The following RBL2 variants were observed in gnomAD, a reference collection of about 807,000 sequenced individuals.
The protein encoded by RBL2 is RB transcriptional corepressor like 2.
RBL2 carries 56 observed loss-of-function variants against 126.0 expected under a neutral mutation model. The observed-to-expected ratio is 0.44, with a 90% CI of 0.36 to 0.56. The LOEUF is 0.56. Ranked by LOEUF, RBL2 falls within the 20% of genes least tolerant of loss-of-function variation. RBL2 has a pLI of 0.00. For missense variants in RBL2, 1,229 were observed against 1,398.2 expected, an observed-to-expected ratio of 0.88 and a Z score of 1.93; for synonymous variants, 454 against 478.5, an observed-to-expected ratio of 0.95 and a Z score of 0.67.
intron 8 of RBL2, among the ~76,000 whole-genome samples, chr16:53,458,210 G>C (rs1490467332): frequency 6.6e-6 from 1 of 152,190 alleles, no homozygotes; most frequent in Admixed American, 6.5e-5. Context: ...TGAATAGTTG[G>C]CTCTGTTGCC....
intron 3 of RBL2, chr16:53,443,423 C>T (rs891744505): frequency 6.6e-6 from 1 of 151,866 alleles, no homozygotes; most frequent in African/African-American, 2.4e-5. Flanking sequence ...ATAAATAATC[C>T]CCTTGAAATG....
chr16:53,489,880 C>T (rs1299702096), intron 21 of RBL2: 1 of 318,728 alleles, frequency 3.1e-6, no homozygotes, highest in Non-Finnish European at 5.7e-6. Context: ...GTATAATTGA[C>T]CTACAGGTCA....
At chr16:53,458,576 G>A (rs2058190291) in intron 8 of RBL2, among the ~76,000 whole-genome samples, 1 of 152,172 alleles carries the variant, frequency 6.6e-6, no homozygotes, top group African/African-American at 2.4e-5. Flanking sequence ...TGTCTCTGAA[G>A]CAAATTTGAA....
At chr16:53,459,079 G>A (rs1313380392) in intron 8 of RBL2, among the ~76,000 whole-genome samples, 2 of 152,310 alleles carry the variant, frequency 1.3e-5, no homozygotes, top group Admixed American at 6.5e-5. Flanking sequence ...TCTCAGAGCT[G>A]AGAATAATCT....
In RBL2 at chr16:53,453,730, T is replaced by G. The variant is rs769427097; in HGVS notation, c.953T>G (p.Leu318Arg). Residue 318 changes from leucine (L) to arginine (R), a missense_variant, in exon 7 of 22, where the codon CTC (leucine) becomes CGC (arginine). By Grantham distance (102) the Leu-to-Arg change is moderately radical (BLOSUM62 -2). This residue lies in a region of RBL2 where 1,070 missense variants were observed against 1,274.3 expected (regional missense o/e 0.84). Transcript: ENST00000262133. ...CTCCTTAAGGGAAAAGAAGAAAATC[T>G]CACTGGGTTTCTAGAACCTGGGAAC... ...KKLLKGKEEN[L>R]TGFLEPGNFG... 9.3e-6 allele frequency: 15 copies of G among 1,611,272 alleles called. No individual in the cohort carries two copies. The highest frequency in any genetic ancestry group is 1.1e-5 in the Non-Finnish European group (13 of 1,178,952).
rs151038181 is a variant in RBL2 at position 53,483,902 on chromosome 16, A to T, written c.3249+2067A>T. ...CCAAAGAAAAACAGAAAATGTAATA[A>T]TGGAGACACTTTTCCTATCATAGTA... On this transcript the variant is annotated intron_variant, in intron 21 of 21. Coordinates refer to ENST00000262133, the MANE Select transcript of RBL2 (RefSeq NM_005611.4). Among the ~76,000 whole-genome samples the T allele has an allele frequency of 3.7e-3, 547 of 148,982 alleles. 3 individuals are homozygous for T. The highest frequency in any genetic ancestry group is 0.013 in the African/African-American group (518 of 40,216).
chr16:53,455,291 G>A (rs187649099), intron 8 of RBL2, among the ~76,000 whole-genome samples: 1 of 152,312 alleles, frequency 6.6e-6, no homozygotes, highest in East Asian at 1.9e-4. Context: ...CAGACACTTA[G>A]AGTGATGCAG....
intron 17 of RBL2, among the ~76,000 whole-genome samples, chr16:53,471,955 A>AGTT (rs1960539716): frequency 6.6e-6 from 1 of 152,182 alleles, no homozygotes; most frequent in Non-Finnish European, 1.5e-5. Context: ...GGCAACCAGC[A>AGTT]GTTGGCATTC....
intron 1 of RBL2, among the ~76,000 whole-genome samples, chr16:53,435,943 A>G (rs192078031): frequency 3.0e-4 from 46 of 152,320 alleles, no homozygotes; most frequent in Non-Finnish European, 5.6e-4. Flanking sequence ...TGATCTCTAA[A>G]CTGGAGATAT....
chr16:53,462,291 A>G (rs1001063489), intron 10 of RBL2, among the ~76,000 whole-genome samples: 12 of 151,700 alleles, frequency 7.9e-5, no homozygotes, highest in Admixed American at 2.6e-4. Context: ...AACATAGAGG[A>G]AAAAAAAGGG....
chr16:53,489,882 T>G (rs1006801926), intron 21 of RBL2: 3 of 323,826 alleles, frequency 9.3e-6, no homozygotes, highest in African/African-American at 6.4e-5. Context: ...ATAATTGACC[T>G]ACAGGTCAAA....
chr16:53,438,923 AAAC>A, intron 1 of RBL2, 90 bp from the exon 2 acceptor site: 1 of 873,852 alleles, frequency 1.1e-6, no homozygotes, highest in Non-Finnish European at 1.6e-6. Flanking sequence ...ACAAAAATAT[AAAC>A]AACACTTTCA....
At chr16:53,473,105 C>A (rs1454345163) in intron 17 of RBL2, among the ~76,000 whole-genome samples, 1 of 152,122 alleles carries the variant, frequency 6.6e-6, no homozygotes, top group Non-Finnish European at 1.5e-5. Context: ...TAGAGAGTTG[C>A]TTTCTTATAA....
chr16:53,457,258 C>CCTTTTTTTTTTTTTTTTTTTTTTTT, intron 8 of RBL2, among the ~76,000 whole-genome samples: 1,371 of 89,838 alleles, frequency 0.015, 226 homozygotes, highest in Non-Finnish European at 0.02. Flanking sequence ...GTACAGATAG[C>CCTTTTTTTTTTTTTTTTTTTTTTTT]TTTTTTTTTT....
chr16:53,455,319 T>C (rs1467056859), intron 8 of RBL2, among the ~76,000 whole-genome samples: 1 of 152,202 alleles, frequency 6.6e-6, no homozygotes, highest in African/African-American at 2.4e-5. Context: ...GTTTCCCTTC[T>C]GCTATGTGGT....
At chr16:53,434,868 G>T (rs905864806) in intron 1 of RBL2, 72 bp downstream of exon 1, 22 of 1,401,444 alleles carry the variant, frequency 1.6e-5, no homozygotes, top group African/African-American at 3.0e-5. Context: ...CGCGTCGCGC[G>T]CCTCGAGAGA....
chr16:53,483,299 G>T (rs953632152), intron 21 of RBL2, among the ~76,000 whole-genome samples: 1 of 152,076 alleles, frequency 6.6e-6, no homozygotes, highest in Admixed American at 6.6e-5. Context: ...AGTGCCTCAC[G>T]CCTGTAATCC....
At chr16:53,472,008 G>A (rs1960541294) in intron 17 of RBL2, among the ~76,000 whole-genome samples, 1 of 152,118 alleles carries the variant, frequency 6.6e-6, no homozygotes, top group Non-Finnish European at 1.5e-5. Flanking sequence ...TATAGAAATG[G>A]TACAATATGT....
At position 53,470,391 on chromosome 16, in the gene RBL2, A is replaced by C; in HGVS notation, c.2254A>C (p.Asn752His). Residue 752 changes from asparagine to histidine, a missense_variant, in exon 16 of 22, where the codon AAT (asparagine) becomes CAT (histidine). Coordinates refer to ENST00000262133, the MANE Select transcript of RBL2 (RefSeq NM_005611.4). ...TVTIPVQGIA[N>H]ENGGITFFPV... Reference sequence around the variant, plus strand: ...TTTTTCTCTGTCACTAGGTATTGCCAATGAAAATGGAGGGATAACATTCTT... The same window carrying C: ...TTTTTCTCTGTCACTAGGTATTGCCCATGAAAATGGAGGGATAACATTCTT... 1 of 1,611,522 alleles carries C rather than the reference A, an allele frequency of 6.2e-7. No individual in the cohort carries two copies. Among genetic ancestry groups the C allele is most frequent in the Non-Finnish European group, 8.5e-7 (1 of 1,177,808 alleles).
Sources: gnomAD v4.1 joint callset for allele counts (sites outside exome capture counted in the v4.1 genomes callset) on GRCh38, gnomAD v4.1.1 for gene constraint, gnomAD v4.1.1 regional missense constraint, MANE v1.5 for transcripts, NCBI Gene and HGNC (gene_info 2026-07-23, HGNC 2026-07-21) for gene names.